Variants in ARL8B observed in about 807,000 individuals in gnomAD.
ARL8B encodes the protein ARF like GTPase 8B.
ARL8B carries 9 observed loss-of-function variants against 30.6 expected under a neutral mutation model. The observed-to-expected ratio is 0.29, with a 90% CI of 0.18 to 0.51. ARL8B has a LOEUF of 0.51. Ranked by LOEUF, ARL8B falls within the 20% of genes least tolerant of loss-of-function variation. The probability of loss-of-function intolerance (pLI) is 0.97; values close to 1 mark genes in which losing one functional copy is unlikely to be tolerated. For missense variants in ARL8B, 130 were observed against 227.2 expected (o/e 0.57, Z 2.75); for synonymous variants, 74 against 76.0 (o/e 0.97, Z 0.14).
chr3:5,172,510 C>A, intron 3 of ARL8B, 137 bp from the exon 4 acceptor site: 1 of 675,890 alleles, frequency 1.5e-6, no homozygotes, highest in Non-Finnish European at 2.5e-6. Context: ...GGGTGCTGAG[C>A]CTTTTCTTAT....
rs1471478448 is a variant in ARL8B at position 5,125,607 on chromosome 3, A to T, written c.123+3019A>T. Among the ~76,000 whole-genome samples the T allele has an allele frequency of 2.0e-5, 3 of 150,522 alleles. No individual in the cohort carries two copies. The Admixed American group carries it at 2.0e-4, about 10-fold the overall frequency. On this transcript the variant is annotated intron_variant, in intron 1 of 6. Coordinates refer to ENST00000256496, the MANE Select transcript of ARL8B (RefSeq NM_018184.3). ...GAGTGCAGTGGCATGATCTTGGCTC[A>T]CTGCAACCTCTGCCTCCTGGGTTCA...
At chr3:5,136,912 A>C (rs907137316) in intron 1 of ARL8B, among the ~76,000 whole-genome samples, 2 of 152,182 alleles carry the variant, frequency 1.3e-5, no homozygotes, top group African/African-American at 4.8e-5. Flanking sequence ...GTCTCCTCAC[A>C]GCACTTGATC....
chr3:5,174,146 TTA>T, intron 5 of ARL8B, 62 bp downstream of exon 5: 1 of 1,437,778 alleles, frequency 7.0e-7, no homozygotes, highest in Non-Finnish European at 9.7e-7. Context: ...TGCCCACTTG[TTA>T]TGTTATTCCT....
At chr3:5,137,961 A>G (rs2054342255) in intron 1 of ARL8B, among the ~76,000 whole-genome samples, 1 of 149,302 alleles carries the variant, frequency 6.7e-6, no homozygotes, top group African/African-American at 2.5e-5. Context: ...ATGGTTTCTG[A>G]TTCTTGAAGG....
At chr3:5,153,612 G>A (rs1370297664) in intron 1 of ARL8B, among the ~76,000 whole-genome samples, 1 of 151,954 alleles carries the variant, frequency 6.6e-6, no homozygotes, top group East Asian at 1.9e-4. Context: ...CACCAATGTC[G>A]AATTTTACCT....
At chr3:5,153,857 T>C (rs980111719) in intron 1 of ARL8B, among the ~76,000 whole-genome samples, 3 of 152,212 alleles carry the variant, frequency 2.0e-5, no homozygotes, top group Non-Finnish European at 4.4e-5. Flanking sequence ...TTTTCCTGCA[T>C]CTGAGAATGT....
At chr3:5,139,147 A>G (rs982697550) in intron 1 of ARL8B, among the ~76,000 whole-genome samples, 1 of 152,200 alleles carries the variant, frequency 6.6e-6, no homozygotes, top group Non-Finnish European at 1.5e-5. Context: ...ATATGATACT[A>G]TTAGTTTGGG....
chr3:5,135,756 CTATTATTAT>C (rs111824873), intron 1 of ARL8B, among the ~76,000 whole-genome samples: 4,187 of 126,854 alleles, frequency 0.033, 169 homozygotes, highest in African/African-American at 0.086. Context: ...CGCACCTGGC[CTATTATTAT>C]TATTATTATT....
At chr3:5,145,619 C>A (rs541726006) in intron 1 of ARL8B, among the ~76,000 whole-genome samples, 1 of 152,200 alleles carries the variant, frequency 6.6e-6, no homozygotes, top group African/African-American at 2.4e-5. Flanking sequence ...GATGGGAGGA[C>A]TAGGGCCGGG....
At chr3:5,123,371 A>G (rs2054200918) in intron 1 of ARL8B, among the ~76,000 whole-genome samples, 1 of 152,210 alleles carries the variant, frequency 6.6e-6, no homozygotes, top group Admixed American at 6.5e-5. Context: ...GGCCTAGGGA[A>G]TGGGTGGAAG....
At chr3:5,153,912 A>G (rs985537483) in intron 1 of ARL8B, among the ~76,000 whole-genome samples, 20 of 146,558 alleles carry the variant, frequency 1.4e-4, no homozygotes, top group Non-Finnish European at 2.7e-4. Flanking sequence ...TGAATATAGA[A>G]TTTCAGACTG....
intron 1 of ARL8B, among the ~76,000 whole-genome samples, chr3:5,140,085 T>C (rs1414562043): frequency 1.3e-5 from 2 of 151,164 alleles, no homozygotes; most frequent in Non-Finnish European, 2.9e-5. Flanking sequence ...CTCCAAGATG[T>C]GATTAGTTTT....
chr3:5,150,463 A>AAAAT (rs4054853), intron 1 of ARL8B, among the ~76,000 whole-genome samples: 2,876 of 146,046 alleles, frequency 0.02, 68 homozygotes, highest in African/African-American at 0.046. Flanking sequence ...AATCCATGTC[A>AAAAT]AAATAAATAA....
intron 3 of ARL8B, among the ~76,000 whole-genome samples, 180 bp from the exon 4 acceptor site, chr3:5,172,467 T>C (rs2054685129): frequency 6.6e-6 from 1 of 152,238 alleles, no homozygotes; most frequent in Admixed American, 6.5e-5. Context: ...CATGTATTAG[T>C]CTCTAAAAAC....
intron 1 of ARL8B, among the ~76,000 whole-genome samples, chr3:5,150,169 T>G (rs2054467188): frequency 6.6e-6 from 1 of 152,140 alleles, no homozygotes; most frequent in African/African-American, 2.4e-5. Flanking sequence ...CTTTAATGTT[T>G]GGTAGAATTA....
At chr3:5,172,786 TATTA>T in intron 4 of ARL8B, 46 bp downstream of exon 4, 3 of 1,145,472 alleles carry the variant, frequency 2.6e-6, no homozygotes, top group African/African-American at 1.6e-5. Context: ...TATATAATGA[TATTA>T]ATTATGGTAA....
intron 1 of ARL8B, among the ~76,000 whole-genome samples, chr3:5,129,078 G>T (rs545846830): frequency 6.6e-6 from 1 of 152,214 alleles, no homozygotes; most frequent in South Asian, 2.1e-4. Flanking sequence ...TTCCAGAGTT[G>T]GTATTTCTGG....
chr3:5,161,172 G>T (rs985764747), intron 1 of ARL8B, among the ~76,000 whole-genome samples: 1 of 152,192 alleles, frequency 6.6e-6, no homozygotes, highest in African/African-American at 2.4e-5. Flanking sequence ...TCCCACGGCC[G>T]GGGATTACAG....
chr3:5,159,662 T>TACATA (rs907481350), intron 1 of ARL8B, among the ~76,000 whole-genome samples: 1 of 147,884 alleles, frequency 6.8e-6, no homozygotes. Context: ...TTTTGTTACA[T>TACATA]ACATATCTTA....
Sources: gnomAD v4.1 joint callset for allele counts (sites outside exome capture counted in the v4.1 genomes callset) on GRCh38, gnomAD v4.1.1 for gene constraint, MANE v1.5 for transcripts, NCBI Gene and HGNC (gene_info 2026-07-23, HGNC 2026-07-21) for gene names.